Variants in STAT4 observed in about 807,000 individuals in gnomAD.
The protein encoded by STAT4 is signal transducer and activator of transcription 4.
STAT4 carries 42 observed loss-of-function variants against 110.5 expected under a neutral mutation model. That is an observed-to-expected ratio of 0.38 (90% CI 0.30 to 0.49). STAT4 has a LOEUF of 0.49. Ranked by LOEUF, STAT4 falls within the 20% of genes least tolerant of loss-of-function variation. The pLI, the probability that STAT4 is intolerant of heterozygous loss-of-function variation, is 0.95. For synonymous variants in STAT4, 284 were observed against 302.2 expected (o/e 0.94, Z 0.63); for missense variants, 632 against 887.9 (o/e 0.71, Z 3.66).
At position 191,131,522 on chromosome 2, in the gene STAT4, T is replaced by C. The variant is rs151322360; in HGVS notation, c.273+15091A>G. 37 of 228,836 alleles carry C rather than the reference T, an allele frequency of 1.6e-4. 4 individuals carry two copies. The highest frequency in any genetic ancestry group is 8.0e-4 in the African/African-American group (35 of 43,928). 14.2% of individuals were successfully genotyped at this position (228,836 alleles called of 1,614,324 possible). A position where few individuals can be genotyped will look rare whatever the true frequency, so the allele number is the denominator to read the frequency against. ...TAGCAGCTTTCAAACCTAGACACTTTATTGTTTAGGGATGCAAATGTATGT... is the reference window on the plus strand; with the variant it reads ...TAGCAGCTTTCAAACCTAGACACTTCATTGTTTAGGGATGCAAATGTATGT... On this transcript the variant is annotated intron_variant, in intron 3 of 23. Transcript: ENST00000392320.
At chr2:191,071,657 A>G (rs115169298) in intron 5 of STAT4, among the ~76,000 whole-genome samples, 1,618 of 152,336 alleles carry the variant, frequency 0.011, 23 homozygotes, top group African/African-American at 0.037. Flanking sequence ...AGCTCTCTGA[A>G]TGATCTGAGA....
At chr2:191,034,148 T>C (rs535775902) in intron 18 of STAT4, 143 bp from the exon 19 acceptor site, 152 of 686,160 alleles carry the variant, frequency 2.2e-4, no homozygotes, top group Middle Eastern at 8.4e-4. Context: ...CTTGGCCTGG[T>C]GTGGTGGCTC....
chr2:191,128,519 G>A (rs143749902), intron 3 of STAT4, among the ~76,000 whole-genome samples: 25 of 152,262 alleles, frequency 1.6e-4, no homozygotes, highest in South Asian at 6.2e-4. Flanking sequence ...ATCTCACTTC[G>A]TGGGATATTC....
intron 18 of STAT4, among the ~76,000 whole-genome samples, chr2:191,034,316 A>G (rs559529730): frequency 1.1e-4 from 16 of 151,810 alleles, no homozygotes; most frequent in African/African-American, 3.6e-4. Context: ...CCAGCTAATC[A>G]GGAGGCTGAG....
intron 3 of STAT4, among the ~76,000 whole-genome samples, chr2:191,111,632 C>G (rs1336240765): frequency 6.6e-6 from 1 of 152,140 alleles, no homozygotes; most frequent in East Asian, 1.9e-4. Flanking sequence ...GCATGAAGAT[C>G]TTTTGAAGCC....
At chr2:191,074,005 C>T (rs544886262) in intron 4 of STAT4, among the ~76,000 whole-genome samples, 53 of 152,110 alleles carry the variant, frequency 3.5e-4, no homozygotes, top group Non-Finnish European at 3.8e-4. Flanking sequence ...AATGGTATAA[C>T]GAAACTACAT....
rs931455846 is a variant in STAT4 at position 191,146,905 on chromosome 2, G to A, written c.129-148C>T. 10 of 702,356 alleles carry A rather than the reference G, an allele frequency of 1.4e-5. No individual in the cohort carries two copies. The Admixed American group carries it at 2.8e-4, about 20-fold the overall frequency. The allele number at this position is 702,356 out of a possible 1,614,324, so 43.5% of individuals were successfully genotyped here. ...AATTAAATTGTTAACATGAAGAGAT[G>A]CTCAACATCACTAATCATTAGGGAA... On this transcript the variant is annotated intron_variant, in intron 2 of 23. Transcript: ENST00000392320. This position sits in a 1 kb window ranked among gnomAD's most constrained non-coding sequence, Gnocchi z 4.5.
intron 3 of STAT4, among the ~76,000 whole-genome samples, chr2:191,096,730 C>G (rs1697996194): frequency 6.6e-6 from 1 of 152,212 alleles, no homozygotes; most frequent in African/African-American, 2.4e-5. Flanking sequence ...TGCCCTCTCT[C>G]ACCACTCCTA....
chr2:191,119,977 A>G (rs1698674212), intron 3 of STAT4, among the ~76,000 whole-genome samples: 1 of 152,208 alleles, frequency 6.6e-6, no homozygotes, highest in South Asian at 2.1e-4. Context: ...CCTTTTGGCT[A>G]AGGTCAAGTG....
rs138191914 is a variant in STAT4 at position 191,036,258 on chromosome 2, A to G, written c.1476T>C (p.Ser492=). The change falls in exon 17 of 24, where the codon AGT becomes AGC. Residue 492 remains serine, a synonymous_variant. Transcript: ENST00000392320. ...GCCAGCTCATCACCTCCAGTAGTTG[A>G]CTCAATGTGGCAGGTGGAGGATTAT... is the stretch of plus-strand genomic sequence containing the variant. ...FFNNPPPATL[S]QLLEVMSWQF... is the part of the protein sequence containing the mutation. 2.6e-3 allele frequency: 4,206 copies of G among 1,614,170 alleles called. 13 individuals carry two copies. Among genetic ancestry groups the G allele is most frequent in the Non-Finnish European group, 3.0e-3 (3,544 of 1,180,028 alleles).
At position 191,032,716 on chromosome 2, in the gene STAT4, A is replaced by G. The variant is rs543097183; in HGVS notation, c.2044+242T>C. The G allele has an allele frequency of 3.3e-5, 15 of 458,768 alleles. No individual in the cohort carries two copies. The East Asian group carries it at 5.1e-4, about 16-fold the overall frequency. 28.4% of individuals were successfully genotyped at this position (458,768 alleles called of 1,614,324 possible). A position where few individuals can be genotyped will look rare whatever the true frequency, so the allele number is the denominator to read the frequency against. On this transcript the variant is annotated intron_variant, in intron 21 of 23. Transcript: ENST00000392320. The surrounding 1 kb of genome is among the most constrained non-coding windows in gnomAD (Gnocchi z 4.9). ...CTCCAAGTGGCTATGAGAGGCCCCC[A>G]TGGCCATGGTGAAGTTTAGTTACAG...
chr2:191,034,674 G>T, intron 17 of STAT4, 77 bp from the exon 18 acceptor site: 3 of 1,086,968 alleles, frequency 2.8e-6, no homozygotes, highest in Non-Finnish European at 4.3e-6. Flanking sequence ...TAGATATTTT[G>T]CCTCTTCCCT....
intron 3 of STAT4, among the ~76,000 whole-genome samples, chr2:191,081,710 A>G (rs1697486214): frequency 6.6e-6 from 1 of 152,120 alleles, no homozygotes; most frequent in Non-Finnish European, 1.5e-5. Context: ...TTTTACAGTT[A>G]CACAAATTAA....
At chr2:191,137,296 G>C (rs896358814) in intron 3 of STAT4, among the ~76,000 whole-genome samples, 4 of 152,010 alleles carry the variant, frequency 2.6e-5, no homozygotes, top group Non-Finnish European at 4.4e-5. Flanking sequence ...TTGTGCCAAG[G>C]CACTCCAGCC....
Position 191,116,019 on chromosome 2 carries a change from C to T in STAT4, c.273+30594G>A, listed in dbSNP as rs1384761484. ...GGAGTAAGGTATTAGTCATATGGTACGTTTGGTTGAAATGAACATTATGAC... is the reference window on the plus strand; with the variant it reads ...GGAGTAAGGTATTAGTCATATGGTATGTTTGGTTGAAATGAACATTATGAC... On this transcript the variant is annotated intron_variant, in intron 3 of 23. Transcript: ENST00000392320. The surrounding 1 kb of genome is among the most constrained non-coding windows in gnomAD (Gnocchi z 4.1). Among the ~76,000 whole-genome samples, 1 of 152,054 alleles carries T rather than the reference C, an allele frequency of 6.6e-6. No homozygotes were observed. The highest frequency in any genetic ancestry group is 1.5e-5 in the Non-Finnish European group (1 of 68,012).
rs528620270 is a variant in STAT4 at position 191,051,714 on chromosome 2, C to T, written c.1251+2776G>A. 6.6e-6 allele frequency among the ~76,000 whole-genome samples: 1 copy of T among 152,284 alleles called. No individual in the cohort carries two copies. Among genetic ancestry groups the T allele is most frequent in the East Asian group, 1.9e-4 (1 of 5,182 alleles). On this transcript the variant is annotated intron_variant, in intron 14 of 23. Coordinates refer to ENST00000392320, the MANE Select transcript of STAT4 (RefSeq NM_003151.4). This position sits in a 1 kb window ranked among gnomAD's most constrained non-coding sequence, Gnocchi z 5.6. ...GGTGACGGGGCAGTAGGAGTGCCAA[C>T]CAGCTCGCCTCTCCCAGGGAAGGTT...
chr2:191,095,692 C>T (rs1375125258), intron 3 of STAT4, among the ~76,000 whole-genome samples: 1 of 152,064 alleles, frequency 6.6e-6, no homozygotes, highest in Non-Finnish European at 1.5e-5. Flanking sequence ...CCTAACATCA[C>T]AATTAAAAGA....
At position 191,031,015 on chromosome 2, in the gene STAT4, G is replaced by A. The variant is rs771889653; in HGVS notation, c.2177C>T (p.Ala726Val). ...DLLPMSPSVY[A>V]VLRENLSPTT... ...GGGACTCAGGTTTTCTCTCAACACC[G>A]CATACACACTTGGAGACATGGGAAG... Residue 726 changes from alanine (A) to valine (V), a missense_variant, in exon 23 of 24, where the codon GCG becomes GTG. Ala to Val is a moderately conservative substitution (Grantham distance 64). Transcript: ENST00000392320. This position sits in a 1 kb window ranked among gnomAD's most constrained non-coding sequence, Gnocchi z 4.8. 3.1e-6 allele frequency: 5 copies of A among 1,613,938 alleles called. No homozygotes were observed. Among genetic ancestry groups the A allele is most frequent in the South Asian group, 2.2e-5 (2 of 91,076 alleles).
intron 6 of STAT4, 124 bp downstream of exon 6, chr2:191,069,569 T>TC (rs1441743753): frequency 1.4e-6 from 1 of 718,020 alleles, no homozygotes; most frequent in East Asian, 2.6e-5. Context: ...AAGAAAATAC[T>TC]CCCTGTATTT....
Sources: gnomAD v4.1 joint callset for allele counts (sites outside exome capture counted in the v4.1 genomes callset) on GRCh38, gnomAD v4.1.1 for gene constraint, Gnocchi (gnomAD v3.1) non-coding constraint, MANE v1.5 for transcripts, NCBI Gene and HGNC (gene_info 2026-07-23, HGNC 2026-07-21) for gene names.